The following GRIN2B variants were observed in gnomAD, a reference collection of about 807,000 sequenced individuals.
GRIN2B encodes glutamate receptor ionotropic, NMDA 2B.
In GRIN2B, 5 loss-of-function variants were observed where a neutral mutation model predicts 114.5. The observed-to-expected ratio is 0.04, with a 90% CI of 0.02 to 0.09. The LOEUF (loss-of-function observed/expected upper bound fraction) is 0.09. Ranked by LOEUF, GRIN2B falls within the 10% of genes least tolerant of loss-of-function variation. The pLI is 1.00. For synonymous variants in GRIN2B, 787 were observed against 745.1 expected, an observed-to-expected ratio of 1.06 and a Z score of -0.92; for missense variants, 1,108 against 1,943.5, an observed-to-expected ratio of 0.57 and a Z score of 8.08.
intron 2 of GRIN2B, among the ~76,000 whole-genome samples, chr12:13,877,527 C>T (rs1222013177): frequency 2.0e-5 from 3 of 152,170 alleles, no homozygotes; most frequent in Non-Finnish European, 4.4e-5. Flanking sequence ...TAAGTTGAAG[C>T]TTTACTCTTT....
At position 13,981,389 on chromosome 12, in the gene GRIN2B, GT is replaced by G. The variant is rs895593716; in HGVS notation, c.-496del. ...TGCAGTCTGCGGAGAGGGGTGGCCG[GT>G]GGCTGGGAATGGAGGGTTTTCCTTT... On this transcript the variant is annotated 5_prime_UTR_variant, in exon 1 of 14. Transcript: ENST00000609686. The G allele has an allele frequency of 3.3e-5, 5 of 152,166 alleles. No individual in the cohort carries two copies. The highest frequency in any genetic ancestry group is 5.9e-5 in the Non-Finnish European group (4 of 68,092). 9.4% of individuals were successfully genotyped at this position (152,166 alleles called of 1,614,324 possible).
At chr12:13,815,597 A>G (rs1864807497) in intron 3 of GRIN2B, among the ~76,000 whole-genome samples, 1 of 152,178 alleles carries the variant, frequency 6.6e-6, no homozygotes. Context: ...CATTCTGATA[A>G]AGGACTTTGG....
At chr12:13,734,748 C>T (rs1468484719) in intron 4 of GRIN2B, among the ~76,000 whole-genome samples, 1 of 152,066 alleles carries the variant, frequency 6.6e-6, no homozygotes, top group Non-Finnish European at 1.5e-5. Context: ...GCTATGGGAG[C>T]ACAAAGAGAG....
chr12:13,689,079 G>C (rs1395673499), intron 4 of GRIN2B, among the ~76,000 whole-genome samples: 2 of 152,038 alleles, frequency 1.3e-5, no homozygotes, highest in African/African-American at 4.8e-5. Flanking sequence ...TTCAAAACAG[G>C]CTGTTTATTT....
At position 13,538,836 on chromosome 12, in the gene GRIN2B, A is replaced by C. The variant is rs1292150692; in HGVS notation, c.*23947T>G. The C allele has an allele frequency of 2.6e-5, 4 of 151,422 alleles. No homozygotes were observed. Among genetic ancestry groups the C allele is most frequent in the Non-Finnish European group, 5.9e-5 (4 of 67,748 alleles). 9.4% of individuals were successfully genotyped at this position (151,422 alleles called of 1,614,324 possible). A position where few individuals can be genotyped will look rare whatever the true frequency, so the allele number is the denominator to read the frequency against. ...TTAAAAAACAAACAAACAAAAAAAA[A>C]ACAAACAAAAAAACAAAAACAACAG... On this transcript the variant is annotated 3_prime_UTR_variant, in exon 14 of 14. Transcript: ENST00000609686.
intron 4 of GRIN2B, among the ~76,000 whole-genome samples, chr12:13,701,378 G>T (rs191935926): frequency 7.2e-5 from 11 of 152,210 alleles, no homozygotes; most frequent in Non-Finnish European, 1.0e-4. Context: ...TCATAATCCT[G>T]TCAAAGCAAT....
rs931564594 is a variant in GRIN2B, at chr12:13,865,663, T to C, written c.411+135A>G. ...GAGAGAGAGAAAAAAAAAGGATTAA[T>C]TGCTGGCCTATCCACGCTGTCAATG... On this transcript the variant is annotated intron_variant, in intron 3 of 13. Coordinates refer to ENST00000609686, the MANE Select transcript of GRIN2B (RefSeq NM_000834.5). 1.5e-5 allele frequency: 12 copies of C among 810,168 alleles called. No individual in the cohort carries two copies. The African/African-American group carries it at 1.7e-4, about 11-fold the overall frequency. The allele number at this position is 810,168 out of a possible 1,614,324, so 50.2% of individuals were successfully genotyped here.
chr12:13,898,365 A>T (rs1866386802), intron 2 of GRIN2B, among the ~76,000 whole-genome samples: 1 of 152,264 alleles, frequency 6.6e-6, no homozygotes, highest in African/African-American at 2.4e-5. Flanking sequence ...TTTAATAATC[A>T]AAGCAGAGAC....
At position 13,547,445 on chromosome 12, in the gene GRIN2B, C is replaced by G. The variant is rs1325297093; in HGVS notation, c.*15338G>C. The G allele has an allele frequency of 6.6e-6, 1 of 152,098 alleles. No individual in the cohort carries two copies. The highest frequency in any genetic ancestry group is 6.5e-5 in the Admixed American group (1 of 15,268). The allele number at this position is 152,098 out of a possible 1,614,324, so 9.4% of individuals were successfully genotyped here. A position where few individuals can be genotyped will look rare whatever the true frequency, so the allele number is the denominator to read the frequency against. On this transcript the variant is annotated 3_prime_UTR_variant, in exon 14 of 14. Coordinates refer to ENST00000609686, the MANE Select transcript of GRIN2B (RefSeq NM_000834.5). ...ACTTTGAGGGAGAGGATGAAAACTGCAAAGACCCTTGGGATTAAATGAAAT... is the reference window on the plus strand; with the variant it reads ...ACTTTGAGGGAGAGGATGAAAACTGGAAAGACCCTTGGGATTAAATGAAAT...
intron 4 of GRIN2B, among the ~76,000 whole-genome samples, chr12:13,697,812 CAA>C (rs1317044216): frequency 4.6e-5 from 7 of 152,138 alleles, no homozygotes; most frequent in Non-Finnish European, 1.0e-4. Context: ...CACACACACA[CAA>C]AAACAGTTAA....
chr12:13,577,120 C>G (rs1162413476), intron 10 of GRIN2B, among the ~76,000 whole-genome samples: 3 of 152,152 alleles, frequency 2.0e-5, no homozygotes, highest in Non-Finnish European at 4.4e-5. Context: ...CTGAACAGTC[C>G]TACTGCTGCC....
chr12:13,969,916 A>G (rs921387342), intron 2 of GRIN2B, among the ~76,000 whole-genome samples: 1 of 152,182 alleles, frequency 6.6e-6, no homozygotes, highest in Non-Finnish European at 1.5e-5. Flanking sequence ...GCAGTGGTGC[A>G]ATCTCAGCTC....
chr12:13,598,027 G>C (rs1444607168), intron 10 of GRIN2B, among the ~76,000 whole-genome samples: 1 of 152,188 alleles, frequency 6.6e-6, no homozygotes. Context: ...CCCACTCTAG[G>C]GTGGGGTGGA....
chr12:13,682,721 G>A (rs1414481630), intron 4 of GRIN2B, among the ~76,000 whole-genome samples: 1 of 152,144 alleles, frequency 6.6e-6, no homozygotes, highest in African/African-American at 2.4e-5. Flanking sequence ...TCCTACTGGT[G>A]GTGAGAAATG....
At chr12:13,927,883 C>A (rs769084530) in intron 2 of GRIN2B, among the ~76,000 whole-genome samples, 37 of 145,766 alleles carry the variant, frequency 2.5e-4, no homozygotes, top group Non-Finnish European at 4.9e-4. Flanking sequence ...GGGAGGATCA[C>A]TTGAGCCCGG....
At chr12:13,662,468 G>T (rs571812104) in intron 5 of GRIN2B, among the ~76,000 whole-genome samples, 29 of 152,220 alleles carry the variant, frequency 1.9e-4, no homozygotes, top group African/African-American at 6.7e-4. Flanking sequence ...TTTGAGACTG[G>T]CCTTAAGAGT....
chr12:13,917,394 G>T (rs1290467716), intron 2 of GRIN2B, among the ~76,000 whole-genome samples: 1 of 152,208 alleles, frequency 6.6e-6, no homozygotes, highest in African/African-American at 2.4e-5. Context: ...TCCAGTGGGA[G>T]CTGGAGACCC....
intron 2 of GRIN2B, among the ~76,000 whole-genome samples, chr12:13,905,485 T>C (rs1322837914): frequency 6.6e-6 from 1 of 152,240 alleles, no homozygotes; most frequent in African/African-American, 2.4e-5. Flanking sequence ...GTGGTAAGTA[T>C]AGTTGTTTCA....
chr12:13,696,068 G>C (rs1364574121), intron 4 of GRIN2B, among the ~76,000 whole-genome samples: 1 of 152,222 alleles, frequency 6.6e-6, no homozygotes, highest in East Asian at 1.9e-4. Flanking sequence ...ACCTCCTTAG[G>C]ACTTCAAGGT....
Sources: gnomAD v4.1 joint callset for allele counts (sites outside exome capture counted in the v4.1 genomes callset) on GRCh38, gnomAD v4.1.1 for gene constraint, MANE v1.5 for transcripts, NCBI Gene and HGNC (gene_info 2026-07-23, HGNC 2026-07-21) for gene names.